The following CHRM5 variants were observed in gnomAD, a reference collection of about 807,000 sequenced individuals.
The protein encoded by CHRM5 is cholinergic receptor muscarinic 5.
Under a neutral mutation model 39.0 loss-of-function variants are expected in CHRM5, and 18 were observed. The ratio of observed to expected loss-of-function variants is 0.46; its 90% confidence interval spans 0.32 to 0.68. The LOEUF is 0.68. Among genes scored for constraint, CHRM5 ranks in the 30% least tolerant of loss-of-function variants. The probability of loss-of-function intolerance (pLI) is 0.04; values close to 1 mark genes in which losing one functional copy is unlikely to be tolerated. For missense variants in CHRM5, 515 were observed against 651.1 expected, an observed-to-expected ratio of 0.79 and a Z score of 2.28; for synonymous variants, 241 against 246.3, an observed-to-expected ratio of 0.98 and a Z score of 0.20.
intron 1 of CHRM5, among the ~76,000 whole-genome samples, chr15:34,017,678 C>G (rs1244603350): frequency 6.6e-6 from 1 of 152,020 alleles, no homozygotes; most frequent in African/African-American, 2.4e-5. Flanking sequence ...CAGGGTTTCA[C>G]CATGTTGGCC....
intron 1 of CHRM5, among the ~76,000 whole-genome samples, chr15:34,015,037 C>A (rs980446231): frequency 1.3e-5 from 2 of 152,064 alleles, no homozygotes; most frequent in African/African-American, 2.4e-5. Context: ...AGTCCTGAAG[C>A]CTGAAAAGCT....
chr15:34,016,610 G>C (rs1897924394), intron 1 of CHRM5, among the ~76,000 whole-genome samples: 1 of 152,108 alleles, frequency 6.6e-6, no homozygotes, highest in Non-Finnish European at 1.5e-5. Context: ...TTTTGATCCA[G>C]TCAACAAACT....
At chr15:34,006,318 A>AC (rs71309461) in intron 1 of CHRM5, among the ~76,000 whole-genome samples, 1 of 152,076 alleles carries the variant, frequency 6.6e-6, no homozygotes, top group Non-Finnish European at 1.5e-5. Flanking sequence ...CTCAAAAAAA[A>AC]AAAAAACAGC....
chr15:34,034,094 T>C (rs934179609), intron 1 of CHRM5, among the ~76,000 whole-genome samples: 1 of 152,116 alleles, frequency 6.6e-6, no homozygotes, highest in African/African-American at 2.4e-5. Context: ...CTAAATAATT[T>C]ATTAATGTGA....
intron 1 of CHRM5, among the ~76,000 whole-genome samples, chr15:33,982,604 C>T (rs1201150218): frequency 6.6e-6 from 1 of 152,036 alleles, no homozygotes; most frequent in Non-Finnish European, 1.5e-5. Flanking sequence ...TTTTTAAATG[C>T]TATAAATGTT....
intron 2 of CHRM5, 148 bp downstream of exon 2, chr15:34,047,019 G>C (rs1899718611): frequency 6.6e-6 from 1 of 152,206 alleles, no homozygotes; most frequent in South Asian, 2.1e-4. Flanking sequence ...CAGAGCAGCC[G>C]CTCAGGCACA....
At chr15:33,983,396 G>T (rs1002381533) in intron 1 of CHRM5, among the ~76,000 whole-genome samples, 7 of 151,612 alleles carry the variant, frequency 4.6e-5, no homozygotes, top group African/African-American at 1.7e-4. Flanking sequence ...TAACATAAAC[G>T]CTTCCATTCT....
intron 2 of CHRM5, among the ~76,000 whole-genome samples, chr15:34,049,224 T>C (rs1899839557): frequency 1.3e-5 from 2 of 152,178 alleles, no homozygotes; most frequent in South Asian, 4.1e-4. Context: ...TTGACAGAAC[T>C]AGGCTTCTGA....
At chr15:34,039,232 G>A (rs1380828682) in intron 1 of CHRM5, 4 of 339,610 alleles carry the variant, frequency 1.2e-5, no homozygotes, top group South Asian at 2.4e-4. Context: ...GGCGGCCGGC[G>A]TCCCGCAGGT....
chr15:34,052,442 A>C (rs1317520464), intron 2 of CHRM5, among the ~76,000 whole-genome samples: 1 of 152,212 alleles, frequency 6.6e-6, no homozygotes, highest in African/African-American at 2.4e-5. Flanking sequence ...AGCACAAGAC[A>C]AGGGTACTCT....
At chr15:33,977,635 T>C (rs1895942743) in intron 1 of CHRM5, among the ~76,000 whole-genome samples, 1 of 152,198 alleles carries the variant, frequency 6.6e-6, no homozygotes, top group Non-Finnish European at 1.5e-5. Flanking sequence ...CCTATGTCTA[T>C]GTCTGTGAAA....
chr15:34,055,777 G>T (rs1435431623), intron 2 of CHRM5, among the ~76,000 whole-genome samples: 2 of 152,070 alleles, frequency 1.3e-5, no homozygotes, highest in Non-Finnish European at 2.9e-5. Context: ...CTCCAGCCTG[G>T]GCGACGGAGC....
At chr15:34,013,925 T>G (rs1897749427) in intron 1 of CHRM5, among the ~76,000 whole-genome samples, 1 of 152,224 alleles carries the variant, frequency 6.6e-6, no homozygotes, top group African/African-American at 2.4e-5. Context: ...ATCTTCCGCC[T>G]GCTGACTCTT....
chr15:34,008,953 C>T (rs1429548850), intron 1 of CHRM5, among the ~76,000 whole-genome samples: 29 of 89,924 alleles, frequency 3.2e-4, no homozygotes, highest in African/African-American at 1.0e-3. Context: ...CGTGCGCGCG[C>T]GCACACACAC....
chr15:34,001,363 T>A (rs2140619660), intron 1 of CHRM5, among the ~76,000 whole-genome samples: 1 of 152,266 alleles, frequency 6.6e-6, no homozygotes, highest in Non-Finnish European at 1.5e-5. Flanking sequence ...TTATGAAGTA[T>A]CTTTTTTTTG....
At chr15:34,038,972 G>T in intron 1 of CHRM5, 1 of 1,112,216 alleles carries the variant, frequency 9.0e-7, no homozygotes, top group South Asian at 3.8e-5. Flanking sequence ...GCCGCTCGCT[G>T]TGGCGATCTC....
rs145732165 is a variant in CHRM5, at chr15:34,063,519, C to A, written c.802C>A (p.Gln268Lys). 20 of 1,613,652 alleles carry A rather than the reference C, an allele frequency of 1.2e-5. No individual in the cohort carries two copies. In the East Asian group the frequency reaches 3.1e-4, roughly 25 times the overall value. ...RPTLAQRERNQASWSSSRRST... is the reference protein window; with the variant it reads ...RPTLAQRERNKASWSSSRRST... Reference sequence around the variant, plus strand: ...CACCCTGGCCCAGCGGGAAAGGAACCAGGCCTCCTGGTCATCCTCCCGCAG... The same window carrying A: ...CACCCTGGCCCAGCGGGAAAGGAACAAGGCCTCCTGGTCATCCTCCCGCAG... The change falls in exon 3 of 3, where the codon CAG (glutamine) becomes AAG (lysine). Residue 268 changes from glutamine to lysine, a missense_variant. Gln to Lys is a moderately conservative substitution (Grantham distance 53). Transcript: ENST00000383263. This position sits in a 1 kb window ranked among gnomAD's most constrained non-coding sequence, Gnocchi z 4.1.
intron 1 of CHRM5, among the ~76,000 whole-genome samples, chr15:33,983,161 T>TATAC (rs1491248403): frequency 5.8e-5 from 5 of 86,908 alleles, no homozygotes; most frequent in African/African-American, 2.8e-4. Context: ...TGTGTGTGTA[T>TATAC]GTGTGTGTGT....
At chr15:34,010,822 G>A (rs1428666515) in intron 1 of CHRM5, among the ~76,000 whole-genome samples, 1 of 152,090 alleles carries the variant, frequency 6.6e-6, no homozygotes, top group Non-Finnish European at 1.5e-5. Context: ...TAATGTTACT[G>A]AGCTTTAAAA....
Sources: allele counts gnomAD v4.1 joint callset (sites outside exome capture counted in the v4.1 genomes callset), GRCh38; gene constraint gnomAD v4.1.1; non-coding constraint Gnocchi (gnomAD v3.1); transcripts MANE v1.5; gene names NCBI Gene and HGNC (gene_info 2026-07-23, HGNC 2026-07-21).